The following CFAP119 variants were observed in gnomAD, a reference collection of about 807,000 sequenced individuals.
The protein encoded by CFAP119 is cilia- and flagella-associated protein 119.
At chr16:30,761,330 C>G in the CFAP119 span, 1 of 1,554,232 alleles carries the variant, frequency 6.4e-7, no homozygotes, top group Non-Finnish European at 8.9e-7. Flanking sequence ...CATCTCATCT[C>G]AAGGACTAAG....
At chr16:30,761,704 C>T in the CFAP119 span, 2 of 1,533,552 alleles carry the variant, frequency 1.3e-6, no homozygotes, top group Non-Finnish European at 1.7e-6. Context: ...CAAGCTCCGA[C>T]TGCACCCTCA....
At chr16:30,759,704 C>T in the CFAP119 span, 1 of 1,612,490 alleles carries the variant, frequency 6.2e-7, no homozygotes, top group Non-Finnish European at 8.5e-7. Context: ...TAGCACTCCT[C>T]CACGTTGCCC....
At chr16:30,759,090 T>G in the CFAP119 span, 1 of 1,614,220 alleles carries the variant, frequency 6.2e-7, no homozygotes, top group South Asian at 1.1e-5. Context: ...ATCTCCTTGC[T>G]TTCTTCTTTC....
chr16:30,759,351 G>A, the CFAP119 span: 2 of 1,613,798 alleles, frequency 1.2e-6, no homozygotes, highest in Non-Finnish European at 1.7e-6. Context: ...CCTGGGGTGT[G>A]AAGACGTATT....
At chr16:30,760,778 T>A in the CFAP119 span, 1 of 939,804 alleles carries the variant, frequency 1.1e-6, no homozygotes, top group Non-Finnish European at 1.7e-6. Flanking sequence ...GCTGGGCTCT[T>A]TTGCCAGCTT....
At chr16:30,761,376 T>C in the CFAP119 span, 43 of 1,380,508 alleles carry the variant, frequency 3.1e-5, no homozygotes, top group South Asian at 5.9e-5. Context: ...CAGCAGGCCC[T>C]AGGTGCTCTA....
the CFAP119 span, chr16:30,760,687 A>T: frequency 6.5e-7 from 1 of 1,543,118 alleles, no homozygotes; most frequent in Non-Finnish European, 8.7e-7. Context: ...GTAAAAGAAA[A>T]AGAGTATTGG....
At chr16:30,759,193 G>A in the CFAP119 span, 2 of 1,614,184 alleles carry the variant, frequency 1.2e-6, no homozygotes, top group Non-Finnish European at 1.7e-6. Context: ...TCACTCTCTG[G>A]CCACAGTTTG....
chr16:30,758,869 T>C, the CFAP119 span: 1 of 1,389,116 alleles, frequency 7.2e-7, no homozygotes, highest in South Asian at 1.4e-5. Context: ...CTTTTATCTG[T>C]CATCTTGGAC....
At chr16:30,758,950 C>A in the CFAP119 span, 1 of 1,602,344 alleles carries the variant, frequency 6.2e-7, no homozygotes, top group Non-Finnish European at 8.5e-7. Context: ...TGATGTCATC[C>A]AAACCCTTCA....
the CFAP119 span, chr16:30,760,813 A>C: frequency 1.4e-6 from 1 of 724,382 alleles, no homozygotes; most frequent in Non-Finnish European, 2.4e-6. Context: ...CAAATCGTTA[A>C]CTCTCTGGGC....
At chr16:30,758,873 C>T in the CFAP119 span, 2 of 1,413,962 alleles carry the variant, frequency 1.4e-6, no homozygotes, top group South Asian at 1.4e-5. Flanking sequence ...TATCTGTCAT[C>T]TTGGACTTCT....
At chr16:30,760,627 GTCT>G in the CFAP119 span, 1 of 1,556,872 alleles carries the variant, frequency 6.4e-7, no homozygotes, top group East Asian at 2.4e-5. Flanking sequence ...AGCATTGGTG[GTCT>G]TCTCCAGCTG....
At chr16:30,759,243 C>T in the CFAP119 span, 47 of 1,614,028 alleles carry the variant, frequency 2.9e-5, no homozygotes, top group African/African-American at 6.7e-5. Context: ...CAGATCCAGC[C>T]GCACCTGGGA....
the CFAP119 span, chr16:30,759,116 C>G: frequency 6.2e-7 from 1 of 1,614,178 alleles, no homozygotes. Flanking sequence ...AAACCAGAAG[C>G]AGGAAGAGAC....
chr16:30,759,334 C>A, the CFAP119 span: 5 of 1,613,028 alleles, frequency 3.1e-6, no homozygotes, highest in Non-Finnish European at 4.2e-6. Context: ...TGGTCCACCA[C>A]CCCCTACCTG....
the CFAP119 span, chr16:30,759,800 T>G: frequency 1.3e-6 from 2 of 1,532,356 alleles, no homozygotes; most frequent in East Asian, 4.5e-5. Context: ...CAGCTGTTTA[T>G]GACCATGAGC....
chr16:30,761,821 C>G, the CFAP119 span: 1 of 1,383,114 alleles, frequency 7.2e-7, no homozygotes, highest in South Asian at 1.4e-5. Flanking sequence ...AGCGCTCGGT[C>G]GGCGGCTACC....
At chr16:30,760,776 C>T in the CFAP119 span, 1 of 940,262 alleles carries the variant, frequency 1.1e-6, no homozygotes, top group African/African-American at 1.6e-5. Context: ...AAGCTGGGCT[C>T]TTTTGCCAGC....
Sources: gnomAD v4.1 joint callset for allele counts on GRCh38, gnomAD v4.1.1 for gene constraint, MANE v1.5 for transcripts, NCBI Gene and HGNC (gene_info 2026-07-23, HGNC 2026-07-21) for gene names.